The following FCRL1 variants were observed in gnomAD, a reference collection of about 807,000 sequenced individuals.
FCRL1 encodes Fc receptor-like protein 1.
In FCRL1, 34 loss-of-function variants were observed where a neutral mutation model predicts 49.2. The observed-to-expected ratio is 0.69, with a 90% CI of 0.53 to 0.92. The LOEUF is 0.92. FCRL1 is among the 40% of genes least tolerant of loss of function. The pLI, the probability that FCRL1 is intolerant of heterozygous loss-of-function variation, is 0.00. For missense variants in FCRL1, 524 were observed against 524.1 expected (o/e 1.00, Z 0.00); for synonymous variants, 218 against 201.6 (o/e 1.08, Z -0.69).
In FCRL1 at chr1:157,802,036, G is replaced by C. The variant is rs757614451; in HGVS notation, c.765C>G (p.Pro255=). Residue 255 remains proline, a synonymous_variant, in exon 5 of 11, where the codon CCC becomes CCG. Transcript: ENST00000368176. ...GGTTGAAGGAGGCTCCTCCTCCAGA[G>C]GGGGCCGACCTGCTCCCCAGGGTGA... ...EDITLGSRSA[P]SGGGASFNLS... The C allele has an allele frequency of 8.1e-6, 13 of 1,614,114 alleles. No individual in the cohort carries two copies. In the Admixed American group the frequency reaches 2.2e-4, roughly 27 times the overall value.
At position 157,802,612 on chromosome 1, in the gene FCRL1, C is replaced by T. The variant is rs1410551823; in HGVS notation, c.372G>A (p.Val124=). 1 of 1,614,162 alleles carries T rather than the reference C, an allele frequency of 6.2e-7. No individual in the cohort carries two copies. The highest frequency in any genetic ancestry group is 2.2e-5 in the East Asian group (1 of 44,872). ...TGAGGACCAGCCTGTCTCCCTCCAT[C>T]ACCTGTCCTCCTGGGGGCTGAGTCT... is the stretch of plus-strand genomic sequence containing the variant. ...SLETQPPGGQ[V]MEGDRLVLIC... The change falls in exon 4 of 11, where the codon GTG becomes GTA. Residue 124 remains valine (V), a synonymous_variant. Coordinates refer to ENST00000368176, the MANE Select transcript of FCRL1 (RefSeq NM_052938.5).
chr1:157,807,035 C>T (rs149245045), intron 2 of FCRL1, 67 bp downstream of exon 2: 41 of 1,572,350 alleles, frequency 2.6e-5, no homozygotes, highest in Middle Eastern at 3.4e-4. Context: ...AATCTGCAGG[C>T]CTCCTGTGCT....
chr1:157,804,030 C>T lies in FCRL1; in HGVS notation c.134G>A (p.Ser45Asn). ...GCAGAACTGGAACTGGGCATCTGAA[C>T]TCTGTAGAAAGGGCATCTTACACGT... ...TLTCKMPFLQ[S>N]SDAQFQFCFF... The change falls in exon 3 of 11, where the codon AGT (serine) becomes AAT (asparagine). Residue 45 changes from serine to asparagine, a missense_variant. Physicochemically the swap from Ser to Asn is conservative, Grantham distance 46. Coordinates refer to ENST00000368176, the MANE Select transcript of FCRL1 (RefSeq NM_052938.5). 1.9e-6 allele frequency: 3 copies of T among 1,614,214 alleles called. No homozygotes were observed. Among genetic ancestry groups the T allele is most frequent in the Non-Finnish European group, 2.5e-6 (3 of 1,180,042 alleles).
chr1:157,812,911 C>T (rs1219895683), intron 1 of FCRL1, among the ~76,000 whole-genome samples: 2 of 152,200 alleles, frequency 1.3e-5, no homozygotes, highest in Non-Finnish European at 2.9e-5. Context: ...CCACTGAGAA[C>T]TGTAGCAATC....
chr1:157,804,753 C>A (rs1653127977), intron 2 of FCRL1, among the ~76,000 whole-genome samples: 1 of 152,138 alleles, frequency 6.6e-6, no homozygotes, highest in South Asian at 2.1e-4. Flanking sequence ...CACACAGCTT[C>A]TTTACAAACC....
intron 1 of FCRL1, among the ~76,000 whole-genome samples, chr1:157,810,293 CTTTTTTCTT>C (rs1302811268): frequency 1.5e-5 from 1 of 67,252 alleles, no homozygotes; most frequent in African/African-American, 3.9e-5. Flanking sequence ...ATTTCTTTTT[CTTTTTTCTT>C]TTTTTTTTTT....
chr1:157,819,564 G>T (rs1410587553), intron 1 of FCRL1, among the ~76,000 whole-genome samples: 1 of 152,106 alleles, frequency 6.6e-6, no homozygotes, highest in Non-Finnish European at 1.5e-5. Flanking sequence ...CTTAGTGGGG[G>T]TGGGGGATGT....
chr1:157,796,334 C>G (rs552484789), intron 10 of FCRL1, among the ~76,000 whole-genome samples, 164 bp from the exon 11 acceptor site: 2 of 152,202 alleles, frequency 1.3e-5, no homozygotes, highest in African/African-American at 4.8e-5. Context: ...TTTTAGAGTG[C>G]CTGTATCCCA....
intron 1 of FCRL1, among the ~76,000 whole-genome samples, chr1:157,817,033 C>T (rs1450488011): frequency 6.6e-6 from 1 of 151,826 alleles, no homozygotes; most frequent in Non-Finnish European, 1.5e-5. Flanking sequence ...AAAGATATCA[C>T]ATGTTCATGG....
chr1:157,810,404 C>T (rs2101885415), intron 1 of FCRL1, among the ~76,000 whole-genome samples: 1 of 151,524 alleles, frequency 6.6e-6, no homozygotes, highest in South Asian at 2.1e-4. Flanking sequence ...TCATGCAATT[C>T]TCCTGCCTCA....
intron 1 of FCRL1, among the ~76,000 whole-genome samples, chr1:157,812,231 T>A (rs1557919946): frequency 6.6e-6 from 1 of 152,184 alleles, no homozygotes; most frequent in Non-Finnish European, 1.5e-5. Context: ...AAGCCTGAGC[T>A]GCTGAGGCAC....
At chr1:157,810,450 C>T (rs1014041288) in intron 1 of FCRL1, among the ~76,000 whole-genome samples, 2 of 152,074 alleles carry the variant, frequency 1.3e-5, no homozygotes, top group Admixed American at 6.5e-5. Flanking sequence ...GCTTGCACCA[C>T]CTCGCCTGGC....
Position 157,802,146 on chromosome 1 carries a change from C to T in FCRL1, c.655G>A (p.Ala219Thr). ...AGCTCCAGCACATCCTCCACTGCAG[C>T]CTGGGCCCTGGGAGCCCTGAGCATG... ...ILMLRAPRAQ[A>T]AVEDVLELHC... The change falls in exon 5 of 11, where the codon GCT (alanine) becomes ACT (threonine). Residue 219 changes from alanine to threonine, a missense_variant. Coordinates refer to ENST00000368176, the MANE Select transcript of FCRL1 (RefSeq NM_052938.5). The T allele has an allele frequency of 6.2e-7, 1 of 1,614,172 alleles. No homozygotes were observed. The highest frequency in any genetic ancestry group is 2.2e-5 in the East Asian group (1 of 44,876).
rs1366354016 is a variant in FCRL1 at position 157,796,705 on chromosome 1, AC to A, written c.1218+395del. On this transcript the variant is annotated intron_variant, in intron 10 of 10. Transcript: ENST00000368176. ...ATGCTAATTTTTAGTGACACAAATT[AC>A]TATTAGCTTAGGTTTGTTCAATATT... Among the ~76,000 whole-genome samples the A allele has an allele frequency of 5.9e-5, 9 of 152,358 alleles. No individual in the cohort carries two copies. The South Asian group carries it at 1.7e-3, about 28-fold the overall frequency.
At chr1:157,817,803 T>C (rs1362672604) in intron 1 of FCRL1, among the ~76,000 whole-genome samples, 1 of 152,036 alleles carries the variant, frequency 6.6e-6, no homozygotes, top group African/African-American at 2.4e-5. Context: ...ATCCAGAATA[T>C]ATAAGAAACT....
chr1:157,804,634 G>T (rs563224069), intron 2 of FCRL1, among the ~76,000 whole-genome samples: 1 of 152,080 alleles, frequency 6.6e-6, no homozygotes, highest in East Asian at 1.9e-4. Flanking sequence ...CAGGAAAGAC[G>T]TAGAAGAACC....
Position 157,796,156 on chromosome 1 carries a change from G to A in FCRL1, c.1233C>T (p.Ile411=). 6.2e-7 allele frequency: 1 copy of A among 1,613,938 alleles called. No homozygotes were observed. Residue 411 remains isoleucine (I), a synonymous_variant, in exon 11 of 11, where the codon ATC becomes ATT. Coordinates refer to ENST00000368176, the MANE Select transcript of FCRL1 (RefSeq NM_052938.5). ...THMEDKVSLD[I]YSRLRKANIT... Reference sequence around the variant, plus strand: ...TGTTTGCTTTCCTCAGCCTGGAATAGATGTCTAAGGAAACCTGGAAGCAAA... The same window carrying A: ...TGTTTGCTTTCCTCAGCCTGGAATAAATGTCTAAGGAAACCTGGAAGCAAA...
At chr1:157,796,475 A>G (rs1346719058) in intron 10 of FCRL1, among the ~76,000 whole-genome samples, 1 of 152,200 alleles carries the variant, frequency 6.6e-6, no homozygotes, top group Non-Finnish European at 1.5e-5. Context: ...TCAGAATTTT[A>G]TATTCATAAA....
chr1:157,807,826 G>C (rs1653712479), intron 1 of FCRL1, among the ~76,000 whole-genome samples: 1 of 152,188 alleles, frequency 6.6e-6, no homozygotes, highest in South Asian at 2.1e-4. Flanking sequence ...CCTCTTACAA[G>C]CTGTGTGACT....
Sources: gnomAD v4.1 joint callset for allele counts (sites outside exome capture counted in the v4.1 genomes callset) on GRCh38, gnomAD v4.1.1 for gene constraint, MANE v1.5 for transcripts, NCBI Gene and HGNC (gene_info 2026-07-23, HGNC 2026-07-21) for gene names.